The following CYP2A7 variants were observed in gnomAD, a reference collection of about 807,000 sequenced individuals.
CYP2A7 encodes the protein cytochrome P450 family 2 subfamily A member 7.
In CYP2A7, 36 loss-of-function variants were observed where a neutral mutation model predicts 42.0. That is an observed-to-expected ratio of 0.86 (90% confidence interval 0.66 to 1.13). The LOEUF (loss-of-function observed/expected upper bound fraction) is 1.13, where lower values mean the gene tolerates loss of function less well. Ranked by LOEUF, CYP2A7 falls within the 50% of genes most tolerant of loss-of-function variation. The pLI is 0.00. For missense variants in CYP2A7, 661 were observed against 634.1 expected, an observed-to-expected ratio of 1.04 and a Z score of -0.46; for synonymous variants, 260 against 249.5, an observed-to-expected ratio of 1.04 and a Z score of -0.40.
At position 40,880,065 on chromosome 19, in the gene CYP2A7, C is replaced by A; in HGVS notation, c.654+19G>T. On this transcript the variant is annotated intron_variant, in intron 4 of 8. Transcript: ENST00000301146. ...CAGGTTGTGGTAGGGGCGTCACGGG[C>A]CGGGCTGCAGCCAGTTACCTGCCCC... 2 of 1,610,916 alleles carry A rather than the reference C, an allele frequency of 1.2e-6. No individual in the cohort carries two copies. The highest frequency in any genetic ancestry group is 1.7e-6 in the Non-Finnish European group (2 of 1,177,924).
At position 40,881,259 on chromosome 19, in the gene CYP2A7, A is replaced by G. The variant is rs1055153219; in HGVS notation, c.343+330T>C. 9.2e-5 allele frequency among the ~76,000 whole-genome samples: 14 copies of G among 151,608 alleles called. 1 individual carries two copies. The highest frequency in any genetic ancestry group is 2.6e-4 in the Admixed American group (4 of 15,170). On this transcript the variant is annotated intron_variant, in intron 2 of 8. Coordinates refer to ENST00000301146, the MANE Select transcript of CYP2A7 (RefSeq NM_000764.3). ...ATGGAGAAGCACAGAAGCTGAGAGC[A>G]ACAAAAAGACAAATGAAGACAGAGG...
At chr19:40,876,464 G>A (rs1469408162) in intron 8 of CYP2A7, 63 bp downstream of exon 8, 1 of 1,610,092 alleles carries the variant, frequency 6.2e-7, no homozygotes, top group Non-Finnish European at 8.5e-7. Flanking sequence ...AGAGAGGGGA[G>A]GTGGGTGAGG....
At position 40,876,609 on chromosome 19, in the gene CYP2A7, G is replaced by T; in HGVS notation, c.1221C>A (p.Asn407Lys). ...AATGCTGGGGATTGAAGTCCTGAGG[G>T]TTGGAGAAGAAGCTGGGGTCTCTCA... The part of the protein sequence containing the change: ...SVLRDPSFFS[N>K]PQDFNPQHFL... The change falls in exon 8 of 9, where the codon AAC (asparagine) becomes AAA (lysine). Residue 407 changes from asparagine (N) to lysine (K), a missense_variant. Coordinates refer to ENST00000301146, the MANE Select transcript of CYP2A7 (RefSeq NM_000764.3). 1.2e-6 allele frequency: 2 copies of T among 1,613,086 alleles called. No homozygotes were observed. Among genetic ancestry groups the T allele is most frequent in the Non-Finnish European group, 1.7e-6 (2 of 1,179,290 alleles).
At chr19:40,880,694 C>A in intron 2 of CYP2A7, 66 bp from the exon 3 acceptor site, 1 of 1,537,462 alleles carries the variant, frequency 6.5e-7, no homozygotes, top group Non-Finnish European at 8.8e-7. Flanking sequence ...GGACCAGTTC[C>A]AAGGGGCTCC....
chr19:40,882,140 C>T lies in CYP2A7; in HGVS notation c.71G>A (p.Trp24Ter), dbSNP rs544154507. The change falls in exon 1 of 9, where the codon TGG becomes TAG. Residue 24 changes from tryptophan (W) to a stop codon, truncating the protein, a stop_gained. Transcript: ENST00000301146. LOFTEE classifies it high-confidence loss of function. The part of the protein sequence containing the change: ...CLTVMVLMSV[W>*]QQRKSRGKLP... ...CTTCCCCCTGCTCTTCCTCTGCTGC[C>T]AGACAGACATCAAGACCATCACAGT... The T allele has an allele frequency of 8.6e-5, 138 of 1,613,958 alleles. 1 individual carries two copies. In the South Asian group the frequency reaches 1.4e-3, roughly 16 times the overall value.
At position 40,881,724 on chromosome 19, in the gene CYP2A7, T is replaced by C; in HGVS notation, c.208A>G (p.Thr70Ala). 1 of 1,603,826 alleles carries C rather than the reference T, an allele frequency of 6.2e-7. No homozygotes were observed. The highest frequency in any genetic ancestry group is 8.5e-7 in the Non-Finnish European group (1 of 1,175,188). ...ACCCGCCGGGGCCCCAAGTGAATGG[T>C]GAACACGGGGCCATAGCACTCACTG... ...KFSECYGPVF[T>A]IHLGPRRVVV... is the part of the protein sequence containing the mutation. Residue 70 changes from threonine to alanine, a missense_variant, in exon 2 of 9, where the codon ACC becomes GCC. Around this residue, in one of 3 missense-constraint regions of CYP2A7, gnomAD observed 614 missense variants for 552.4 expected, o/e 1.11. Coordinates refer to ENST00000301146, the MANE Select transcript of CYP2A7 (RefSeq NM_000764.3).
intron 5 of CYP2A7, 136 bp downstream of exon 5, chr19:40,878,624 C>T (rs932353685): frequency 2.4e-5 from 30 of 1,270,978 alleles, no homozygotes; most frequent in Middle Eastern, 2.5e-4. Context: ...CTGTTAGCCA[C>T]GGCGCCCAGC....
chr19:40,876,570 C>T lies in CYP2A7; in HGVS notation c.1260G>A (p.Lys420=). ...DFNPQHFLDD[K]GQFKKSDAFV... ...AAGCATCACTCTTCTTAAACTGCCCCTTGTCATCCAGGAAATGCTGGGGAT... is the reference window on the plus strand; with the variant it reads ...AAGCATCACTCTTCTTAAACTGCCCTTTGTCATCCAGGAAATGCTGGGGAT... The change falls in exon 8 of 9, where the codon AAG becomes AAA. Residue 420 remains lysine (K), a synonymous_variant. Coordinates refer to ENST00000301146, the MANE Select transcript of CYP2A7 (RefSeq NM_000764.3). The T allele has an allele frequency of 6.2e-7, 1 of 1,613,080 alleles. No homozygotes were observed. The highest frequency in any genetic ancestry group is 1.1e-5 in the South Asian group (1 of 91,004).
intron 1 of CYP2A7, 74 bp from the exon 2 acceptor site, chr19:40,881,825 G>T: frequency 6.3e-7 from 1 of 1,580,462 alleles, no homozygotes; most frequent in Non-Finnish European, 8.6e-7. Flanking sequence ...GAGATGTCAA[G>T]TACTGGGATC....
At position 40,877,122 on chromosome 19, in the gene CYP2A7, G is replaced by T. The variant is rs950723343; in HGVS notation, c.1161+68C>A. ...CAGTGAGTAGAAAGCTTCTAATGGG[G>T]GCAGGATTCTGGGGACACAGAGAAG... On this transcript the variant is annotated intron_variant, in intron 7 of 8. Transcript: ENST00000301146. 20 of 1,560,124 alleles carry T rather than the reference G, an allele frequency of 1.3e-5. 1 individual carries two copies. The African/African-American group carries it at 2.7e-4, about 21-fold the overall frequency.
chr19:40,879,790 G>A (rs1967612335), intron 4 of CYP2A7, among the ~76,000 whole-genome samples: 1 of 150,916 alleles, frequency 6.6e-6, no homozygotes, highest in Admixed American at 6.6e-5. Flanking sequence ...TGGGTAGGGA[G>A]CATCTGTTAG....
chr19:40,878,481 C>T (rs10402703), intron 5 of CYP2A7, among the ~76,000 whole-genome samples: 2 of 151,082 alleles, frequency 1.3e-5, no homozygotes, highest in East Asian at 3.9e-4. Context: ...TGCCCCCCTT[C>T]GCGCCACCAC....
rs1967514554 is a variant in CYP2A7 at position 40,875,754 on chromosome 19, G to A, written c.1424C>T (p.Pro475Leu). The A allele has an allele frequency of 6.2e-7, 1 of 1,608,428 alleles. No homozygotes were observed. Among genetic ancestry groups the A allele is most frequent in the Non-Finnish European group, 8.5e-7 (1 of 1,176,026 alleles). The part of the protein sequence containing the change: ...SQSPKDIDVS[P>L]KHVVFATIPR... The stretch of plus-strand genomic sequence containing the variant: ...GATCGTGGCAAAGACCACGTGTTTG[G>A]GGGACACGTCAATGTCCTTAGGTGA... The change falls in exon 9 of 9, where the codon CCC (proline) becomes CTC (leucine). Residue 475 changes from proline to leucine, a missense_variant. Physicochemically the swap from Pro to Leu is moderately conservative, Grantham distance 98 (BLOSUM62 -3). Transcript: ENST00000301146.
intron 7 of CYP2A7, chr19:40,876,883 G>C: frequency 1.4e-6 from 1 of 714,628 alleles, no homozygotes; most frequent in Non-Finnish European, 2.3e-6. Context: ...TTGCTACGCA[G>C]GTTGTTTGGG....
intron 5 of CYP2A7, among the ~76,000 whole-genome samples, chr19:40,878,331 G>A (rs1967582669): frequency 1.3e-5 from 2 of 151,622 alleles, no homozygotes; most frequent in South Asian, 2.1e-4. Flanking sequence ...TTAGCCTCCT[G>A]AGTAGCTGGA....
At chr19:40,880,060 A>C (rs758065800) in intron 4 of CYP2A7, 24 bp downstream of exon 4, 2 of 1,610,338 alleles carry the variant, frequency 1.2e-6, no homozygotes, top group Non-Finnish European at 1.7e-6. Context: ...TAGGGGCGTC[A>C]CGGGCCGGGC....
Position 40,877,351 on chromosome 19 carries a change from C to T in CYP2A7, c.1000G>A (p.Val334Met). 6.2e-7 allele frequency: 1 copy of T among 1,612,622 alleles called. No individual in the cohort carries two copies. Among genetic ancestry groups the T allele is most frequent in the East Asian group, 2.2e-5 (1 of 44,866 alleles). Residue 334 changes from valine to methionine, a missense_variant, in exon 7 of 9, where the codon GTG (valine) becomes ATG (methionine). This residue lies in a region of CYP2A7 where 614 missense variants were observed against 552.4 expected (regional missense o/e 1.11). Coordinates refer to ENST00000301146, the MANE Select transcript of CYP2A7 (RefSeq NM_000764.3). Reference protein sequence around the residue: ...EAKVHEEIDRVIGKNRQPKFE... With the variant: ...EAKVHEEIDRMIGKNRQPKFE... ...TTGGGCTGCCGGTTCTTGCCGATCA[C>T]TCTGTCAATCTCCTCATGGACCTTG...
At chr19:40,877,520 A>T in intron 6 of CYP2A7, 143 bp from the exon 7 acceptor site, 1 of 1,311,220 alleles carries the variant, frequency 7.6e-7, no homozygotes, top group South Asian at 1.5e-5. Flanking sequence ...GACATCGGCC[A>T]TTCGCATTGT....
At position 40,882,088 on chromosome 19, in the gene CYP2A7, G is replaced by T; in HGVS notation, c.123C>A (p.Pro41=). The T allele has an allele frequency of 6.2e-7, 1 of 1,613,982 alleles. No homozygotes were observed. Among genetic ancestry groups the T allele is most frequent in the African/African-American group, 1.3e-5 (1 of 75,010 alleles). The change falls in exon 1 of 9, where the codon CCC becomes CCA. Residue 41 remains proline (P), a synonymous_variant. Coordinates refer to ENST00000301146, the MANE Select transcript of CYP2A7 (RefSeq NM_000764.3). The part of the protein sequence containing the change: ...GKLPPGPTPL[P]FIGNYLQLNT... ...TCAGCTGGAGGTAGTTTCCAATGAA[G>T]GGCAGTGGGGTGGGTCCCGGAGGCA... is the stretch of plus-strand genomic sequence containing the variant.
Sources: allele counts gnomAD v4.1 joint callset (sites outside exome capture counted in the v4.1 genomes callset), GRCh38; gene constraint gnomAD v4.1.1; regional missense constraint gnomAD v4.1.1; transcripts MANE v1.5; gene names NCBI Gene and HGNC (gene_info 2026-07-23, HGNC 2026-07-21).